MAPKAP1: variants seen among roughly 807,000 people sequenced by gnomAD.
MAPKAP1 encodes the protein MAPK associated protein 1.
A neutral mutation model predicts 65.7 loss-of-function variants in MAPKAP1; 20 were observed. The observed-to-expected ratio is 0.30, with a 90% CI of 0.21 to 0.44. The LOEUF (loss-of-function observed/expected upper bound fraction) is 0.44. Ranked by LOEUF, MAPKAP1 falls within the 20% of genes least tolerant of loss-of-function variation. The pLI, the probability that MAPKAP1 is intolerant of heterozygous loss-of-function variation, is 1.00. For missense variants in MAPKAP1, 423 were observed against 648.0 expected, an observed-to-expected ratio of 0.65 and a Z score of 3.77; for synonymous variants, 222 against 244.3, an observed-to-expected ratio of 0.91 and a Z score of 0.85.
intron 7 of MAPKAP1, among the ~76,000 whole-genome samples, chr9:125,526,233 C>T (rs1173163982): frequency 6.6e-6 from 1 of 152,190 alleles, no homozygotes; most frequent in African/African-American, 2.4e-5. Context: ...TCTTCTGTAC[C>T]TCTCCACAGA....
At chr9:125,647,108 T>A (rs1227433665) in intron 4 of MAPKAP1, among the ~76,000 whole-genome samples, 1 of 152,234 alleles carries the variant, frequency 6.6e-6, no homozygotes, top group African/African-American at 2.4e-5. Flanking sequence ...AAATGAATTG[T>A]AGCTAAATGC....
At chr9:125,635,070 G>T (rs991481325) in intron 4 of MAPKAP1, among the ~76,000 whole-genome samples, 3 of 152,118 alleles carry the variant, frequency 2.0e-5, no homozygotes, top group African/African-American at 7.2e-5. Context: ...ATTCTCTTGG[G>T]CACTAATCTT....
intron 1 of MAPKAP1, among the ~76,000 whole-genome samples, chr9:125,679,950 A>G (rs7856366): frequency 0.33 from 50,204 of 152,178 alleles, 9,311 homozygotes; most frequent in Middle Eastern, 0.44. Flanking sequence ...TCAATGTGCC[A>G]TATAAATGCT....
chr9:125,552,332 A>G (rs1830608190), intron 6 of MAPKAP1, among the ~76,000 whole-genome samples: 1 of 152,168 alleles, frequency 6.6e-6, no homozygotes, highest in African/African-American at 2.4e-5. Context: ...AGCTAGATAG[A>G]TCTAGTCCTG....
chr9:125,478,734 C>A (rs1222965334), intron 9 of MAPKAP1, among the ~76,000 whole-genome samples: 1 of 152,088 alleles, frequency 6.6e-6, no homozygotes, highest in African/African-American at 2.4e-5. Context: ...TGGAAGTCTC[C>A]GTATATCTGA....
intron 1 of MAPKAP1, among the ~76,000 whole-genome samples, chr9:125,698,308 T>TAAA (rs1310650696): frequency 2.0e-4 from 10 of 50,020 alleles, no homozygotes; most frequent in South Asian, 1.3e-3. Context: ...TATATATATA[T>TAAA]ATATATATAT....
intron 7 of MAPKAP1, chr9:125,513,079 A>C (rs894888822): frequency 1.3e-5 from 2 of 152,082 alleles, no homozygotes; most frequent in African/African-American, 4.8e-5. Context: ...CTGATGCTGA[A>C]CTTAGTGTGG....
At chr9:125,529,969 T>C (rs1423967922) in intron 7 of MAPKAP1, among the ~76,000 whole-genome samples, 3 of 152,252 alleles carry the variant, frequency 2.0e-5, no homozygotes, top group Non-Finnish European at 4.4e-5. Flanking sequence ...AAAGTGCCAC[T>C]ACTTATAATT....
At chr9:125,487,369 A>T (rs1381564509) in intron 8 of MAPKAP1, among the ~76,000 whole-genome samples, 1 of 152,216 alleles carries the variant, frequency 6.6e-6, no homozygotes, top group Non-Finnish European at 1.5e-5. Flanking sequence ...CTGCCAAAAC[A>T]TGTTTTATTT....
chr9:125,683,944 C>G (rs1834898128), intron 1 of MAPKAP1, among the ~76,000 whole-genome samples: 1 of 152,154 alleles, frequency 6.6e-6, no homozygotes, highest in African/African-American at 2.4e-5. Context: ...GGTAATGATA[C>G]TCCTTTATTT....
chr9:125,686,387 A>C (rs1834977543), intron 1 of MAPKAP1, among the ~76,000 whole-genome samples: 1 of 152,196 alleles, frequency 6.6e-6, no homozygotes, highest in Non-Finnish European at 1.5e-5. Flanking sequence ...AACACACTTT[A>C]CCACAAAGAT....
intron 1 of MAPKAP1, among the ~76,000 whole-genome samples, chr9:125,680,444 C>T (rs534206449): frequency 6.6e-6 from 1 of 152,082 alleles, no homozygotes; most frequent in Non-Finnish European, 1.5e-5. Context: ...TCTCTAACTC[C>T]AATTTAACTC....
intron 9 of MAPKAP1, among the ~76,000 whole-genome samples, chr9:125,476,001 C>T (rs769001521): frequency 6.6e-6 from 1 of 152,200 alleles, no homozygotes; most frequent in East Asian, 1.9e-4. Context: ...CAACTTCTTC[C>T]AATTCTCAAT....
intron 7 of MAPKAP1, among the ~76,000 whole-genome samples, chr9:125,518,261 C>T (rs1054588290): frequency 6.6e-6 from 1 of 152,188 alleles, no homozygotes; most frequent in Middle Eastern, 3.2e-3. Flanking sequence ...ATACACTGGG[C>T]TGTCATATGG....
intron 1 of MAPKAP1, among the ~76,000 whole-genome samples, chr9:125,693,898 G>T (rs1835308284): frequency 6.7e-6 from 1 of 150,140 alleles, no homozygotes; most frequent in Admixed American, 6.6e-5. Flanking sequence ...GCCGGGCATA[G>T]GGGCTCACAC....
At chr9:125,524,386 T>A (rs994245982) in intron 7 of MAPKAP1, among the ~76,000 whole-genome samples, 21 of 152,390 alleles carry the variant, frequency 1.4e-4, no homozygotes, top group Admixed American at 1.2e-3. Flanking sequence ...AGCACTTAGT[T>A]TGGCACATAA....
chr9:125,693,275 G>A (rs906004933), intron 1 of MAPKAP1, among the ~76,000 whole-genome samples: 12 of 151,798 alleles, frequency 7.9e-5, no homozygotes, highest in South Asian at 6.2e-4. Flanking sequence ...CTAGCCAAGC[G>A]TGGTGGCACG....
At chr9:125,523,421 C>T (rs954092821) in intron 7 of MAPKAP1, among the ~76,000 whole-genome samples, 9 of 152,168 alleles carry the variant, frequency 5.9e-5, no homozygotes, top group Non-Finnish European at 1.2e-4. Flanking sequence ...TTCCACTTGC[C>T]ATGACTCTCA....
intron 4 of MAPKAP1, among the ~76,000 whole-genome samples, chr9:125,597,100 AAAC>A (rs1320969180): frequency 2.6e-5 from 4 of 151,666 alleles, no homozygotes; most frequent in Admixed American, 2.0e-4. Flanking sequence ...GTCTCTACTA[AAAC>A]AAATACAAAA....
Sources: allele counts gnomAD v4.1 joint callset (sites outside exome capture counted in the v4.1 genomes callset), GRCh38; gene constraint gnomAD v4.1.1; transcripts MANE v1.5; gene names NCBI Gene and HGNC (gene_info 2026-07-23, HGNC 2026-07-21).